REEP3: variants seen among roughly 807,000 people sequenced by gnomAD.
REEP3 encodes the protein receptor expression-enhancing protein 3.
REEP3 carries 20 observed loss-of-function variants against 41.3 expected under a neutral mutation model. That is an observed-to-expected ratio of 0.48 (90% CI 0.34 to 0.70). The LOEUF is 0.70. Among genes scored for constraint, REEP3 ranks in the 30% least tolerant of loss-of-function variants. The pLI, the probability that REEP3 is intolerant of heterozygous loss-of-function variation, is 0.01. For synonymous variants in REEP3, 104 were observed against 101.8 expected, an observed-to-expected ratio of 1.02 and a Z score of -0.13; for missense variants, 271 against 308.8, an observed-to-expected ratio of 0.88 and a Z score of 0.92.
At chr10:63,585,882 C>T (rs1189564973) in intron 2 of REEP3, among the ~76,000 whole-genome samples, 1 of 152,118 alleles carries the variant, frequency 6.6e-6, no homozygotes, top group Non-Finnish European at 1.5e-5. Context: ...GTATTGTTCT[C>T]AATTTCTGTG....
At chr10:63,577,775 T>C (rs1274353402) in intron 2 of REEP3, among the ~76,000 whole-genome samples, 4 of 152,038 alleles carry the variant, frequency 2.6e-5, no homozygotes, top group African/African-American at 9.7e-5. Context: ...ACCATTTCTT[T>C]TGGCGAGCTC....
intron 1 of REEP3, among the ~76,000 whole-genome samples, chr10:63,557,966 A>C (rs1955704967): frequency 6.6e-6 from 1 of 152,216 alleles, no homozygotes; most frequent in Non-Finnish European, 1.5e-5. Context: ...AAGAAAGCTA[A>C]GCATTGCATT....
chr10:63,615,397 GC>G (rs1352474755), intron 6 of REEP3, among the ~76,000 whole-genome samples: 22 of 151,806 alleles, frequency 1.4e-4, no homozygotes, highest in African/African-American at 5.1e-4. Context: ...TCAGTATGTT[GC>G]CCACCTCTGC....
intron 2 of REEP3, among the ~76,000 whole-genome samples, chr10:63,570,975 C>T (rs1466378133): frequency 1.3e-5 from 2 of 152,128 alleles, no homozygotes; most frequent in Non-Finnish European, 2.9e-5. Context: ...ATTAGCAGGG[C>T]ATGGTGGTGT....
intron 5 of REEP3, among the ~76,000 whole-genome samples, chr10:63,607,036 A>G (rs1379320258): frequency 3.3e-5 from 5 of 152,214 alleles, no homozygotes; most frequent in Non-Finnish European, 7.3e-5. Flanking sequence ...TTTGTGCTGA[A>G]GATGTAAAAA....
In REEP3 at chr10:63,621,392, T is replaced by G. The variant is rs773305883; in HGVS notation, c.*523T>G. 1 of 152,624 alleles carries G rather than the reference T, an allele frequency of 6.6e-6. No individual in the cohort carries two copies. Among genetic ancestry groups the G allele is most frequent in the South Asian group, 2.1e-4 (1 of 4,836 alleles). The allele number at this position is 152,624 out of a possible 1,614,324, so 9.5% of individuals were successfully genotyped here. On this transcript the variant is annotated 3_prime_UTR_variant, in exon 8 of 8. Transcript: ENST00000373758. ...TAGTTTTTCCACCATCAGCTGAAAG[T>G]TTTTGAAACAAATATTTGAAAACCA... is the stretch of plus-strand genomic sequence containing the variant.
chr10:63,608,874 G>C (rs1377341796), intron 5 of REEP3, among the ~76,000 whole-genome samples: 1 of 152,128 alleles, frequency 6.6e-6, no homozygotes, highest in Non-Finnish European at 1.5e-5. Context: ...TTGAAAAGTG[G>C]CTAGTGCAAT....
chr10:63,527,305 C>A (rs964750415), intron 1 of REEP3, among the ~76,000 whole-genome samples: 4 of 150,826 alleles, frequency 2.7e-5, no homozygotes, highest in Non-Finnish European at 5.9e-5. Flanking sequence ...AAAAAAAAAA[C>A]TCTTTTAATC....
chr10:63,552,501 T>C (rs1369435735), intron 1 of REEP3, among the ~76,000 whole-genome samples: 1 of 152,216 alleles, frequency 6.6e-6, no homozygotes, highest in African/African-American at 2.4e-5. Context: ...AGTAGTGCCT[T>C]ATGTAGCTAC....
At chr10:63,534,772 A>G (rs912371886) in intron 1 of REEP3, among the ~76,000 whole-genome samples, 4 of 152,252 alleles carry the variant, frequency 2.6e-5, no homozygotes, top group Admixed American at 1.3e-4. Context: ...AATGGTTACA[A>G]TAGAGACCTT....
In REEP3 at chr10:63,556,915, G is replaced by A. The variant is rs1327479603; in HGVS notation, c.33-9423G>A. On this transcript the variant is annotated intron_variant, in intron 1 of 7. Transcript: ENST00000373758. ...CTCCCAAAGTGCTGGGATTACAGGC[G>A]TGAGCCACCGCGCCCGGCCTTTGCT... Among the ~76,000 whole-genome samples the A allele has an allele frequency of 3.3e-5, 5 of 152,170 alleles. No homozygotes were observed. In the East Asian group the frequency reaches 5.8e-4, roughly 18 times the overall value.
chr10:63,556,898 G>A (rs1176174996), intron 1 of REEP3, among the ~76,000 whole-genome samples: 2 of 151,842 alleles, frequency 1.3e-5, no homozygotes, highest in African/African-American at 2.4e-5. Flanking sequence ...GCCTCCCAAA[G>A]TGCTGGGATT....
At chr10:63,572,807 A>G (rs1017660103) in intron 2 of REEP3, among the ~76,000 whole-genome samples, 6 of 152,244 alleles carry the variant, frequency 3.9e-5, no homozygotes, top group Non-Finnish European at 5.9e-5. Flanking sequence ...CTAGAACAGT[A>G]CCTGCTGCAT....
chr10:63,610,539 T>A (rs1956270038), intron 6 of REEP3, among the ~76,000 whole-genome samples: 1 of 152,078 alleles, frequency 6.6e-6, no homozygotes, highest in South Asian at 2.1e-4. Flanking sequence ...GTAACAAACC[T>A]GCGCATTCTG....
intron 1 of REEP3, among the ~76,000 whole-genome samples, chr10:63,539,194 A>G (rs1955503266): frequency 6.6e-6 from 1 of 152,070 alleles, no homozygotes; most frequent in Non-Finnish European, 1.5e-5. Flanking sequence ...ATGGGCCCTG[A>G]AATCAGTGGC....
chr10:63,523,326 C>G (rs1052472978), intron 1 of REEP3, among the ~76,000 whole-genome samples: 4 of 152,138 alleles, frequency 2.6e-5, no homozygotes, highest in African/African-American at 9.7e-5. Context: ...AGGGAGATTA[C>G]GTTTCAGATG....
At chr10:63,544,176 G>A (rs1319816675) in intron 1 of REEP3, among the ~76,000 whole-genome samples, 1 of 152,192 alleles carries the variant, frequency 6.6e-6, no homozygotes, top group Non-Finnish European at 1.5e-5. Flanking sequence ...CAGAAATCAA[G>A]CAGTTCAATA....
chr10:63,562,014 C>T (rs936897503), intron 1 of REEP3, among the ~76,000 whole-genome samples: 1 of 152,234 alleles, frequency 6.6e-6, no homozygotes, highest in Non-Finnish European at 1.5e-5. Flanking sequence ...TATCTAGTGT[C>T]AGCGGTGTGG....
At chr10:63,617,637 C>T (rs1269021830) in intron 6 of REEP3, among the ~76,000 whole-genome samples, 1 of 151,796 alleles carries the variant, frequency 6.6e-6, no homozygotes, top group Non-Finnish European at 1.5e-5. Context: ...TAAGCTTAAG[C>T]GAACCACCTG....
Sources: allele counts gnomAD v4.1 joint callset (sites outside exome capture counted in the v4.1 genomes callset), GRCh38; gene constraint gnomAD v4.1.1; transcripts MANE v1.5; gene names NCBI Gene and HGNC (gene_info 2026-07-23, HGNC 2026-07-21).